PLAGL1: variants seen among roughly 807,000 people sequenced by gnomAD.
PLAGL1 encodes PLAG1 like zinc finger 1.
Under a neutral mutation model 4.6 loss-of-function variants are expected in PLAGL1, and 1 was observed. The ratio of observed to expected loss-of-function variants is 0.22; its 90% CI spans 0.08 to 1.03. The LOEUF (loss-of-function observed/expected upper bound fraction) is 1.03, where lower values mean the gene tolerates loss of function less well. Ranked by LOEUF, PLAGL1 falls within the 50% of genes least tolerant of loss-of-function variation. The pLI is 0.58. For synonymous variants in PLAGL1, 240 were observed against 237.8 expected, an observed-to-expected ratio of 1.01 and a Z score of -0.08; for missense variants, 464 against 570.4, an observed-to-expected ratio of 0.81 and a Z score of 1.90.
Position 143,949,209 on chromosome 6 carries a change from G to A in PLAGL1, c.-324-749C>T, listed in dbSNP as rs551502727. Among the ~76,000 whole-genome samples the A allele has an allele frequency of 6.6e-6, 1 of 152,208 alleles. No homozygotes were observed. The highest frequency in any genetic ancestry group is 1.9e-4 in the East Asian group (1 of 5,172). On this transcript the variant is annotated intron_variant, in intron 6 of 7. Transcript: ENST00000674357. The surrounding 1 kb of genome is among the most constrained non-coding windows in gnomAD (Gnocchi z 5.3). ...CCCTGGAGGGCCCATCCAGCTACCT[G>A]CTGGTAGGCCACCTCCAGGAGATGG...
chr6:144,032,718 C>T (rs1435753091), intron 1 of PLAGL1, among the ~76,000 whole-genome samples: 2 of 152,014 alleles, frequency 1.3e-5, no homozygotes, highest in Non-Finnish European at 2.9e-5. Flanking sequence ...TATGCCAACA[C>T]GCCTGGCTAA....
At position 143,958,809 on chromosome 6, in the gene PLAGL1, A is replaced by G. The variant is rs931906257; in HGVS notation, c.-325+1660T>C. On this transcript the variant is annotated intron_variant, in intron 6 of 7. Coordinates refer to ENST00000674357, the MANE Select transcript of PLAGL1 (RefSeq NM_001317162.2). The surrounding 1 kb of genome is among the most constrained non-coding windows in gnomAD (Gnocchi z 5.1). ...CAAGGCAAGTTTTCCAAGCGACAACACTGGCTTTTCTGAAAGGGGAAAGGA... is the reference window on the plus strand; with the variant it reads ...CAAGGCAAGTTTTCCAAGCGACAACGCTGGCTTTTCTGAAAGGGGAAAGGA... Among the ~76,000 whole-genome samples, 7 of 152,186 alleles carry G rather than the reference A, an allele frequency of 4.6e-5. No individual in the cohort carries two copies. Among genetic ancestry groups the G allele is most frequent in the Admixed American group, 3.9e-4 (6 of 15,288 alleles).
chr6:144,021,037 T>G (rs1275834017), intron 1 of PLAGL1, among the ~76,000 whole-genome samples: 1 of 151,580 alleles, frequency 6.6e-6, no homozygotes, highest in Non-Finnish European at 1.5e-5. Context: ...GCCAAAAATC[T>G]TCCAGCCAGT....
At position 144,063,520 on chromosome 6, in the gene PLAGL1, C is replaced by T; in HGVS notation, c.-151+948G>A. Among the ~76,000 whole-genome samples, 1 of 152,206 alleles carries T rather than the reference C, an allele frequency of 6.6e-6. No homozygotes were observed. The highest frequency in any genetic ancestry group is 1.9e-4 in the East Asian group (1 of 5,204). On this transcript the variant is annotated intron_variant, in intron 1 of 3. Transcript: ENST00000437412. This position sits in a 1 kb window ranked among gnomAD's most constrained non-coding sequence, Gnocchi z 5.7. ...GGAGGCGCCTCGGGTTAGGCAGCGA[C>T]GCACAAAACATAAACCCTGTCATAT...
chr6:144,030,769 C>T (rs147004738), intron 1 of PLAGL1, among the ~76,000 whole-genome samples: 2 of 152,280 alleles, frequency 1.3e-5, no homozygotes, highest in Non-Finnish European at 2.9e-5. Context: ...GGGCTGGTTC[C>T]ATATTTTTGC....
At chr6:144,030,254 C>CAAAAAAAA (rs66563676) in intron 1 of PLAGL1, among the ~76,000 whole-genome samples, 21 of 44,552 alleles carry the variant, frequency 4.7e-4, no homozygotes, top group Admixed American at 8.5e-4. Context: ...GACTCCGTCT[C>CAAAAAAAA]AAAAAAAAAA....
Position 143,984,915 on chromosome 6 carries a change from C to T in PLAGL1, c.-544+220G>A, listed in dbSNP as rs1788692902. Among the ~76,000 whole-genome samples, 1 of 152,078 alleles carries T rather than the reference C, an allele frequency of 6.6e-6. No individual in the cohort carries two copies. The highest frequency in any genetic ancestry group is 1.5e-5 in the Non-Finnish European group (1 of 67,996). On this transcript the variant is annotated intron_variant, in intron 2 of 7. Transcript: ENST00000674357. This position sits in a 1 kb window ranked among gnomAD's most constrained non-coding sequence, Gnocchi z 5.5. ...GAAGTCACTATAAGGAAACAAATGCCCCTAGGCCAAGACATGTACTTCAAA... is the reference window on the plus strand; with the variant it reads ...GAAGTCACTATAAGGAAACAAATGCTCCTAGGCCAAGACATGTACTTCAAA...
chr6:143,992,066 T>C (rs1790597346), intron 1 of PLAGL1, among the ~76,000 whole-genome samples: 1 of 152,234 alleles, frequency 6.6e-6, no homozygotes, highest in African/African-American at 2.4e-5. Context: ...TTGGACTTCG[T>C]TGGTTAGCTT....
chr6:144,033,105 C>T (rs576610586), intron 1 of PLAGL1, among the ~76,000 whole-genome samples: 2 of 152,228 alleles, frequency 1.3e-5, no homozygotes, highest in African/African-American at 4.8e-5. Flanking sequence ...GAAAACAGGA[C>T]ATCAGCAAAT....
intron 1 of PLAGL1, among the ~76,000 whole-genome samples, chr6:144,060,231 T>C (rs1229527860): frequency 6.6e-6 from 1 of 152,122 alleles, no homozygotes; most frequent in African/African-American, 2.4e-5. Flanking sequence ...TATTTTTTAA[T>C]AGAGGTGGGG....
intron 1 of PLAGL1, among the ~76,000 whole-genome samples, chr6:144,032,454 C>G (rs1245086840): frequency 6.6e-6 from 1 of 151,886 alleles, no homozygotes; most frequent in Non-Finnish European, 1.5e-5. Flanking sequence ...CAGTTTTTAT[C>G]TGCCTTCTAA....
At chr6:144,057,453 C>A (rs1322594193) in intron 1 of PLAGL1, among the ~76,000 whole-genome samples, 1 of 152,222 alleles carries the variant, frequency 6.6e-6, no homozygotes, top group Non-Finnish European at 1.5e-5. Flanking sequence ...GCTGGCCCAT[C>A]AGTGGCAGGA....
At chr6:144,023,475 G>GA (rs1423139742) in intron 1 of PLAGL1, among the ~76,000 whole-genome samples, 1 of 151,882 alleles carries the variant, frequency 6.6e-6, no homozygotes, top group Admixed American at 6.6e-5. Context: ...GGGGGCTGGG[G>GA]AAAAAAAGGT....
At chr6:143,993,509 C>G (rs1276470309) in intron 1 of PLAGL1, among the ~76,000 whole-genome samples, 2 of 152,044 alleles carry the variant, frequency 1.3e-5, no homozygotes, top group African/African-American at 4.8e-5. Flanking sequence ...TTTGCAACTA[C>G]AAAAACTAAC....
At position 144,048,423 on chromosome 6, in the gene PLAGL1, C is replaced by T. The variant is rs1322858316; in HGVS notation, c.-151+16045G>A. On this transcript the variant is annotated intron_variant, in intron 1 of 3. Coordinates refer to the PLAGL1 transcript ENST00000437412. The surrounding 1 kb of genome is among the most constrained non-coding windows in gnomAD (Gnocchi z 4.8). ...CAGAGGTTCTCCATGAGAGCTCCAC[C>T]CCTGCAGGAGACTTCTGCCTGGACA... Among the ~76,000 whole-genome samples, 2 of 152,212 alleles carry T rather than the reference C, an allele frequency of 1.3e-5. No homozygotes were observed. Among genetic ancestry groups the T allele is most frequent in the East Asian group, 1.9e-4 (1 of 5,200 alleles).
rs1204785190 is a variant in PLAGL1 at position 144,000,546 on chromosome 6, A to T, written c.-584+7544T>A. On this transcript the variant is annotated intron_variant, in intron 1 of 7. Transcript: ENST00000674357. This position sits in a 1 kb window ranked among gnomAD's most constrained non-coding sequence, Gnocchi z 4.1. ...AAAGGACATGTGAGATAAATGAAAA[A>T]ATTGAGTATTGCAAATATACCCATT... 2.0e-5 allele frequency among the ~76,000 whole-genome samples: 3 copies of T among 152,192 alleles called. No individual in the cohort carries two copies. The South Asian group carries it at 6.2e-4, about 31-fold the overall frequency.
rs751926904 is a variant in PLAGL1, at chr6:143,942,368, C to T, written c.448G>A (p.Gly150Arg). The change falls in exon 8 of 8, where the codon GGA (glycine) becomes AGA (arginine). Residue 150 changes from glycine to arginine, a missense_variant. Transcript: ENST00000674357. This position sits in a 1 kb window ranked among gnomAD's most constrained non-coding sequence, Gnocchi z 7.6. The stretch of plus-strand genomic sequence containing the variant: ...CACTGGTGCTTCTTTTCCTTGGTTC[C>T]GCTAGGGGGCTTCTCTTCCGCATGG... ...KAHAEEKPPSGTKEKKHQCDH... is the reference protein window; with the variant it reads ...KAHAEEKPPSRTKEKKHQCDH... 6 of 1,614,084 alleles carry T rather than the reference C, an allele frequency of 3.7e-6. No individual in the cohort carries two copies. The highest frequency in any genetic ancestry group is 2.5e-6 in the Non-Finnish European group (3 of 1,180,000).
rs1797594482 is a variant in PLAGL1, at chr6:144,039,925, G to A, written c.-151+24543C>T. Among the ~76,000 whole-genome samples, 2 of 152,108 alleles carry A rather than the reference G, an allele frequency of 1.3e-5. No homozygotes were observed. Among genetic ancestry groups the A allele is most frequent in the Non-Finnish European group, 2.9e-5 (2 of 68,026 alleles). On this transcript the variant is annotated intron_variant, in intron 1 of 3. Transcript: ENST00000437412. The surrounding 1 kb of genome is among the most constrained non-coding windows in gnomAD (Gnocchi z 4.1). ...ATGGCATCCTTATGCCAATAAAAATGGATGAAATTATAGTTAGGTTCAAAA... is the reference window on the plus strand; with the variant it reads ...ATGGCATCCTTATGCCAATAAAAATAGATGAAATTATAGTTAGGTTCAAAA...
intron 2 of PLAGL1, among the ~76,000 whole-genome samples, chr6:143,969,637 T>A (rs1194212458): frequency 6.6e-6 from 1 of 151,324 alleles, no homozygotes; most frequent in African/African-American, 2.4e-5. Context: ...AAAAAAAAAT[T>A]TTTTTTTTAA....
Sources: allele counts gnomAD v4.1 joint callset (sites outside exome capture counted in the v4.1 genomes callset), GRCh38; gene constraint gnomAD v4.1.1; non-coding constraint Gnocchi (gnomAD v3.1); transcripts MANE v1.5; gene names NCBI Gene and HGNC (gene_info 2026-07-23, HGNC 2026-07-21).